Variants in KCNT2 observed in about 807,000 individuals in gnomAD.
KCNT2 encodes the protein potassium channel subfamily T member 2.
In KCNT2, 67 loss-of-function variants were observed where a neutral mutation model predicts 153.8. The ratio of observed to expected loss-of-function variants is 0.44; its 90% CI spans 0.36 to 0.53. KCNT2 has a LOEUF of 0.53. Among genes scored for constraint, KCNT2 ranks in the 20% least tolerant of loss-of-function variants. The pLI, the probability that KCNT2 is intolerant of heterozygous loss-of-function variation, is 0.00. For missense variants in KCNT2, 975 were observed against 1,354.8 expected (o/e 0.72, Z 4.40); for synonymous variants, 500 against 458.8 (o/e 1.09, Z -1.15).
chr1:196,306,545 A>G (rs1364570911), intron 21 of KCNT2, among the ~76,000 whole-genome samples: 1 of 152,058 alleles, frequency 6.6e-6, no homozygotes, highest in Non-Finnish European at 1.5e-5. Flanking sequence ...ATTTGCCAGG[A>G]ATGCTCCCTC....
At chr1:196,440,471 T>C (rs1675129443) in intron 8 of KCNT2, among the ~76,000 whole-genome samples, 1 of 152,040 alleles carries the variant, frequency 6.6e-6, no homozygotes, top group Admixed American at 6.6e-5. Context: ...ACCAAACATA[T>C]CTGCCAAATA....
chr1:196,371,802 G>A (rs558552745), intron 14 of KCNT2, among the ~76,000 whole-genome samples: 2 of 151,958 alleles, frequency 1.3e-5, no homozygotes, highest in East Asian at 1.9e-4. Flanking sequence ...GATGCACAAC[G>A]AAATTTAACT....
intron 18 of KCNT2, among the ~76,000 whole-genome samples, chr1:196,327,886 C>T (rs1236804474): frequency 1.3e-5 from 2 of 151,904 alleles, no homozygotes; most frequent in African/African-American, 4.8e-5. Context: ...ATCCACCCAC[C>T]TCAGCCTCCC....
intron 1 of KCNT2, among the ~76,000 whole-genome samples, chr1:196,587,794 C>T (rs73069765): frequency 0.14 from 21,549 of 151,916 alleles, 4,798 homozygotes; most frequent in African/African-American, 0.48. Flanking sequence ...AAATTGACTA[C>T]GCAATGGCAT....
intron 22 of KCNT2, among the ~76,000 whole-genome samples, chr1:196,292,476 A>C (rs899632354): frequency 6.6e-6 from 1 of 152,226 alleles, no homozygotes; most frequent in Non-Finnish European, 1.5e-5. Context: ...TGGCCAGAGC[A>C]ATCAGACAAG....
intron 1 of KCNT2, among the ~76,000 whole-genome samples, chr1:196,533,593 T>C (rs1319732009): frequency 6.6e-6 from 1 of 152,098 alleles, no homozygotes; most frequent in Non-Finnish European, 1.5e-5. Flanking sequence ...TTGAGGAAAT[T>C]TGACTAGCTT....
intron 16 of KCNT2, among the ~76,000 whole-genome samples, chr1:196,335,328 T>C (rs1260108168): frequency 1.3e-5 from 2 of 152,102 alleles, no homozygotes; most frequent in Non-Finnish European, 1.5e-5. Context: ...CTAGATGAGG[T>C]AGCCTACTAT....
At chr1:196,283,267 T>C (rs572994661) in intron 23 of KCNT2, among the ~76,000 whole-genome samples, 88 of 152,040 alleles carry the variant, frequency 5.8e-4, no homozygotes, top group Admixed American at 2.6e-3. Flanking sequence ...CGGTGAAACC[T>C]TGTCTCCACT....
intron 15 of KCNT2, among the ~76,000 whole-genome samples, chr1:196,340,832 A>G (rs1180494906): frequency 2.6e-5 from 4 of 152,010 alleles, no homozygotes; most frequent in Non-Finnish European, 4.4e-5. Context: ...ACTAAGGGTA[A>G]CATTATTTTG....
chr1:196,586,118 T>C (rs920196038), intron 1 of KCNT2, among the ~76,000 whole-genome samples: 3 of 151,792 alleles, frequency 2.0e-5, no homozygotes, highest in East Asian at 1.9e-4. Context: ...CAAAAAATTA[T>C]CCAGGCGTAG....
intron 1 of KCNT2, among the ~76,000 whole-genome samples, chr1:196,593,305 T>TACACAC (rs1319992806): frequency 4.0e-5 from 5 of 126,320 alleles, no homozygotes; most frequent in African/African-American, 1.9e-4. Flanking sequence ...AATATATATA[T>TACACAC]ATATATACAC....
At chr1:196,435,135 GTATGTATATATATA>G (rs1444322415) in intron 8 of KCNT2, among the ~76,000 whole-genome samples, 1 of 76,872 alleles carries the variant, frequency 1.3e-5, no homozygotes, top group African/African-American at 4.8e-5. Context: ...GTGTGTGTGT[GTATGTATATATATA>G]TATATATATA....
At chr1:196,598,086 T>G (rs917748542) in intron 1 of KCNT2, among the ~76,000 whole-genome samples, 2 of 152,116 alleles carry the variant, frequency 1.3e-5, no homozygotes, top group African/African-American at 4.8e-5. Context: ...TAGTAATAAT[T>G]GTGGATTAAC....
At chr1:196,400,596 A>AAGT (rs1254813037) in intron 12 of KCNT2, among the ~76,000 whole-genome samples, 3 of 151,800 alleles carry the variant, frequency 2.0e-5, no homozygotes, top group African/African-American at 7.2e-5. Flanking sequence ...AGTAATAGTG[A>AAGT]AGTAATATCA....
chr1:196,504,017 A>G (rs1680912488), intron 1 of KCNT2, among the ~76,000 whole-genome samples: 1 of 152,216 alleles, frequency 6.6e-6, no homozygotes. Context: ...CACAATTTGA[A>G]GGAAGAAGGG....
intron 8 of KCNT2, among the ~76,000 whole-genome samples, chr1:196,463,158 ATTTG>A (rs771323901): frequency 3.3e-5 from 5 of 151,780 alleles, no homozygotes; most frequent in Non-Finnish European, 5.9e-5. Flanking sequence ...AGACATTTCT[ATTTG>A]TTTAAGTTGC....
At chr1:196,364,153 C>G (rs1667852123) in intron 14 of KCNT2, among the ~76,000 whole-genome samples, 1 of 151,998 alleles carries the variant, frequency 6.6e-6, no homozygotes, top group Admixed American at 6.6e-5. Context: ...AGTGTTAACC[C>G]CTTCTTTTGA....
At chr1:196,546,039 T>A (rs112906355) in intron 1 of KCNT2, among the ~76,000 whole-genome samples, 1 of 152,014 alleles carries the variant, frequency 6.6e-6, no homozygotes. Flanking sequence ...ATATAACCAA[T>A]AGTATTCTGG....
intron 1 of KCNT2, among the ~76,000 whole-genome samples, chr1:196,499,487 A>T (rs1428590705): frequency 6.6e-6 from 1 of 152,236 alleles, no homozygotes; most frequent in African/African-American, 2.4e-5. Flanking sequence ...TAAGAGATAA[A>T]TTCCTGAATG....
Sources: gnomAD v4.1 joint callset for allele counts (sites outside exome capture counted in the v4.1 genomes callset) on GRCh38, gnomAD v4.1.1 for gene constraint, MANE v1.5 for transcripts, NCBI Gene and HGNC (gene_info 2026-07-23, HGNC 2026-07-21) for gene names.